PMS1: variants seen among roughly 807,000 people sequenced by gnomAD.
The protein encoded by PMS1 is PMS1 protein homolog 1.
Under a neutral mutation model 93.1 loss-of-function variants are expected in PMS1, and 79 were observed. The ratio of observed to expected loss-of-function variants is 0.85; its 90% CI spans 0.71 to 1.02. The LOEUF (loss-of-function observed/expected upper bound fraction) is 1.02. PMS1 is among the 50% of genes least tolerant of loss of function. The pLI is 0.00. For synonymous variants in PMS1, 335 were observed against 363.4 expected, an observed-to-expected ratio of 0.92 and a Z score of 0.89; for missense variants, 1,064 against 1,085.3, an observed-to-expected ratio of 0.98 and a Z score of 0.28.
intron 9 of PMS1, among the ~76,000 whole-genome samples, chr2:189,860,420 TA>T (rs2055836265): frequency 6.6e-6 from 1 of 152,140 alleles, no homozygotes; most frequent in African/African-American, 2.4e-5. Context: ...TTTTTTTTTT[TA>T]AATCAAAGAA....
intron 11 of PMS1, among the ~76,000 whole-genome samples, chr2:189,870,003 C>T (rs1023506504): frequency 6.6e-6 from 1 of 152,014 alleles, no homozygotes; most frequent in Non-Finnish European, 1.5e-5. Flanking sequence ...ATGCCTAATA[C>T]TTTCCATAGC....
At chr2:189,820,342 T>C (rs1361538794) in intron 5 of PMS1, among the ~76,000 whole-genome samples, 1 of 152,146 alleles carries the variant, frequency 6.6e-6, no homozygotes, top group Non-Finnish European at 1.5e-5. Context: ...TCTCGTTCTG[T>C]CACCCAGGCT....
rs5743129 is a variant in PMS1, at chr2:189,852,891, A to G, written c.822+114A>G. The G allele has an allele frequency of 7.8e-4, 557 of 716,600 alleles. No individual in the cohort carries two copies. In the African/African-American group the frequency reaches 9.1e-3, roughly 12 times the overall value. 44.4% of individuals were successfully genotyped at this position (716,600 alleles called of 1,614,324 possible). A position where few individuals can be genotyped will look rare whatever the true frequency, so the allele number is the denominator to read the frequency against. On this transcript the variant is annotated intron_variant, in intron 7 of 12. Coordinates refer to ENST00000441310, the MANE Select transcript of PMS1 (RefSeq NM_000534.5). ...AAAAAAAAGAAATACAATGTCATTT[A>G]TTAAACATTATGCATGATAGAAAGA...
intron 3 of PMS1, among the ~76,000 whole-genome samples, chr2:189,799,667 A>G (rs987138173): frequency 1.2e-4 from 18 of 152,234 alleles, no homozygotes; most frequent in African/African-American, 4.3e-4. Context: ...TACACCATCT[A>G]GATCCCCCAC....
At chr2:189,875,980 A>AAAAT (rs2057531844) in intron 12 of PMS1, among the ~76,000 whole-genome samples, 1 of 150,412 alleles carries the variant, frequency 6.6e-6, no homozygotes, top group African/African-American at 2.5e-5. Context: ...AAAAAAAAAA[A>AAAAT]TTGCAGGGGA....
intron 5 of PMS1, among the ~76,000 whole-genome samples, chr2:189,829,334 A>T (rs377622513): frequency 1.3e-5 from 2 of 152,278 alleles, no homozygotes; most frequent in African/African-American, 4.8e-5. Flanking sequence ...TTCACTGTTA[A>T]TGTGTTCCTT....
chr2:189,822,955 A>G (rs1394653062), intron 5 of PMS1, among the ~76,000 whole-genome samples: 1 of 152,226 alleles, frequency 6.6e-6, no homozygotes, highest in African/African-American at 2.4e-5. Flanking sequence ...TAGTAGACTG[A>G]GAAAACATTG....
At chr2:189,840,742 C>A (rs953669903) in intron 5 of PMS1, among the ~76,000 whole-genome samples, 1 of 152,136 alleles carries the variant, frequency 6.6e-6, no homozygotes, top group Non-Finnish European at 1.5e-5. Flanking sequence ...TTACCAAGAA[C>A]TATATTCTCA....
At chr2:189,817,409 G>T (rs1377909451) in intron 4 of PMS1, among the ~76,000 whole-genome samples, 1 of 152,144 alleles carries the variant, frequency 6.6e-6, no homozygotes, top group Non-Finnish European at 1.5e-5. Flanking sequence ...CAAACATTCA[G>T]TCCTAATTTT....
intron 3 of PMS1, among the ~76,000 whole-genome samples, chr2:189,802,805 AT>A (rs969531897): frequency 5.3e-5 from 8 of 152,136 alleles, no homozygotes; most frequent in African/African-American, 1.9e-4. Context: ...TGTCTCGTAT[AT>A]TTTTTATAGC....
At chr2:189,856,924 T>G (rs1169131778) in intron 9 of PMS1, among the ~76,000 whole-genome samples, 1 of 152,070 alleles carries the variant, frequency 6.6e-6, no homozygotes, top group Admixed American at 6.6e-5. Context: ...TACCGGAATA[T>G]TCCAGGTAAT....
At chr2:189,811,449 T>C (rs974770662) in intron 4 of PMS1, among the ~76,000 whole-genome samples, 2 of 151,944 alleles carry the variant, frequency 1.3e-5, no homozygotes, top group Non-Finnish European at 2.9e-5. Context: ...TTACCCAATT[T>C]TTTTGTGTTT....
Position 189,854,585 on chromosome 2 carries a change from A to G in PMS1, c.1313A>G (p.Asp438Gly). ...IDKNTKNAFQ[D>G]ISMSNVSWEN... ...AAAAACACTAAGAATGCATTTCAGG[A>G]CATTTCAATGAGTAATGTATCATGG... The change falls in exon 9 of 13, where the codon GAC (aspartate) becomes GGC (glycine). Residue 438 changes from aspartate to glycine, a missense_variant. Transcript: ENST00000441310. The G allele has an allele frequency of 1.2e-6, 2 of 1,613,872 alleles. No homozygotes were observed. The highest frequency in any genetic ancestry group is 1.7e-6 in the Non-Finnish European group (2 of 1,179,820).
intron 10 of PMS1, among the ~76,000 whole-genome samples, chr2:189,865,548 G>A (rs1003391385): frequency 1.3e-5 from 2 of 152,100 alleles, no homozygotes; most frequent in African/African-American, 4.8e-5. Flanking sequence ...ACCTTTCCAT[G>A]CAATGGTGCC....
At chr2:189,844,543 C>CT (rs2106416511) in intron 6 of PMS1, among the ~76,000 whole-genome samples, 1 of 149,454 alleles carries the variant, frequency 6.7e-6, no homozygotes, top group Admixed American at 6.7e-5. Flanking sequence ...ACTCGGGAGG[C>CT]TAAGGCAGGA....
At chr2:189,847,107 G>A (rs150503613) in intron 6 of PMS1, among the ~76,000 whole-genome samples, 43 of 151,870 alleles carry the variant, frequency 2.8e-4, no homozygotes, top group South Asian at 2.5e-3. Context: ...TGATCCACCC[G>A]CCTCGGCCCC....
At chr2:189,853,752 A>G (rs1176842741) in intron 7 of PMS1, among the ~76,000 whole-genome samples, 187 bp from the exon 8 acceptor site, 1 of 151,930 alleles carries the variant, frequency 6.6e-6, no homozygotes, top group African/African-American at 2.4e-5. Context: ...CCTGACCTCA[A>G]GTGATCCCCC....
chr2:189,845,785 C>T (rs1207299042), intron 6 of PMS1, among the ~76,000 whole-genome samples: 1 of 152,052 alleles, frequency 6.6e-6, no homozygotes, highest in African/African-American at 2.4e-5. Flanking sequence ...GGCTGAAGTG[C>T]AGTAGCGCAG....
At position 189,877,492 on chromosome 2, in the gene PMS1, C is replaced by A; in HGVS notation, c.*56C>A. 2 of 1,176,174 alleles carry A rather than the reference C, an allele frequency of 1.7e-6. No individual in the cohort carries two copies. The highest frequency in any genetic ancestry group is 2.5e-6 in the Non-Finnish European group (2 of 790,676). The allele number at this position is 1,176,174 out of a possible 1,614,324, so 72.9% of individuals were successfully genotyped here. A position where few individuals can be genotyped will look rare whatever the true frequency, so the allele number is the denominator to read the frequency against. ...TGAAATTGGTTCTGTCATAAAACAG[C>A]ATGAGTCTGGTTTTAAATTATCTTT... On this transcript the variant is annotated 3_prime_UTR_variant, in exon 13 of 13. Coordinates refer to ENST00000441310, the MANE Select transcript of PMS1 (RefSeq NM_000534.5).
Sources: gnomAD v4.1 joint callset for allele counts (sites outside exome capture counted in the v4.1 genomes callset) on GRCh38, gnomAD v4.1.1 for gene constraint, MANE v1.5 for transcripts, NCBI Gene and HGNC (gene_info 2026-07-23, HGNC 2026-07-21) for gene names.